MAGI2: variants seen among roughly 807,000 people sequenced by gnomAD.
The protein encoded by MAGI2 is membrane-associated guanylate kinase, WW and PDZ domain-containing protein 2.
Under a neutral mutation model 133.3 loss-of-function variants are expected in MAGI2, and 35 were observed. That is an observed-to-expected ratio of 0.26 (90% CI 0.20 to 0.35). MAGI2 has a LOEUF of 0.35. Among genes scored for constraint, MAGI2 ranks in the 10% least tolerant of loss-of-function variants. The pLI, the probability that MAGI2 is intolerant of heterozygous loss-of-function variation, is 1.00. For synonymous variants in MAGI2, 729 were observed against 710.6 expected, an observed-to-expected ratio of 1.03 and a Z score of -0.41; for missense variants, 1,636 against 1,863.4, an observed-to-expected ratio of 0.88 and a Z score of 2.25.
At chr7:79,324,619 A>AAT (rs1382313062) in intron 1 of MAGI2, among the ~76,000 whole-genome samples, 1 of 72,260 alleles carries the variant, frequency 1.4e-5, no homozygotes, top group African/African-American at 6.4e-5. Flanking sequence ...AAATATATAT[A>AAT]ATATATATAT....
chr7:79,379,334 G>T (rs1585769038), intron 1 of MAGI2, among the ~76,000 whole-genome samples: 1 of 151,906 alleles, frequency 6.6e-6, no homozygotes, highest in East Asian at 1.9e-4. Context: ...ATGTATATGT[G>T]CCACATTTTC....
rs1248322957 is a variant in MAGI2 at position 78,821,859 on chromosome 7, T to A, written c.418+185231A>T. Among the ~76,000 whole-genome samples, 4 of 151,722 alleles carry A rather than the reference T, an allele frequency of 2.6e-5. No individual in the cohort carries two copies. The East Asian group carries it at 7.7e-4, about 29-fold the overall frequency. On this transcript the variant is annotated intron_variant, in intron 2 of 21. Coordinates refer to ENST00000354212, the MANE Select transcript of MAGI2 (RefSeq NM_012301.4). ...CTGACAATGATAGATTTGGGTTAGA[T>A]TTTTTTCATAAAAGAAAGGCAAAGA... is the stretch of plus-strand genomic sequence containing the variant.
Position 78,387,391 on chromosome 7 carries a change from C to T in MAGI2, c.1046-18178G>A, listed in dbSNP as rs140895507. On this transcript the variant is annotated intron_variant, in intron 6 of 21. Transcript: ENST00000354212. ...GCAGACCACAGACCCACTCACATCA[C>T]CATAGGATACCTATTCCTTTTATTG... Among the ~76,000 whole-genome samples, 1,182 of 152,214 alleles carry T rather than the reference C, an allele frequency of 7.8e-3. 14 individuals carry two copies. The highest frequency in any genetic ancestry group is 0.027 in the African/African-American group (1,105 of 41,518).
At chr7:78,802,700 C>T (rs574765875) in intron 2 of MAGI2, among the ~76,000 whole-genome samples, 6 of 152,072 alleles carry the variant, frequency 3.9e-5, no homozygotes, top group East Asian at 1.9e-4. Context: ...CAAGAATGAA[C>T]GCTAATATGA....
At chr7:78,189,770 C>G (rs1828034132) in intron 12 of MAGI2, among the ~76,000 whole-genome samples, 1 of 152,174 alleles carries the variant, frequency 6.6e-6, no homozygotes, top group African/African-American at 2.4e-5. Flanking sequence ...CAGTGTGGAA[C>G]AGGCCCAAGA....
intron 6 of MAGI2, among the ~76,000 whole-genome samples, chr7:78,386,008 T>A (rs7789774): frequency 0.54 from 82,145 of 151,830 alleles, 23,167 homozygotes; most frequent in Middle Eastern, 0.66. Flanking sequence ...CCCCCCTAGC[T>A]CAAACAGTGG....
intron 20 of MAGI2, among the ~76,000 whole-genome samples, chr7:78,109,328 A>AAAAAAAAAAAAAAAAAAAAAAAAAAG (rs1563132987): frequency 7.3e-6 from 1 of 136,282 alleles, no homozygotes; most frequent in African/African-American, 2.7e-5. Context: ...AAAAAAAAAA[A>AAAAAAAAAAAAAAAAAAAAAAAAAAG]AAAAAAGAAA....
At chr7:79,115,197 G>A (rs1819286401) in intron 1 of MAGI2, among the ~76,000 whole-genome samples, 1 of 152,102 alleles carries the variant, frequency 6.6e-6, no homozygotes, top group South Asian at 2.1e-4. Context: ...TCTACCTTAA[G>A]AGAAAACCTT....
chr7:78,108,034 T>C (rs1297753054), intron 20 of MAGI2, among the ~76,000 whole-genome samples: 5 of 151,988 alleles, frequency 3.3e-5, no homozygotes, highest in Non-Finnish European at 2.9e-5. Context: ...GATTTTGTCA[T>C]GCTTTTCTAA....
chr7:79,453,463 C>T lies in MAGI2; in HGVS notation c.-143G>A. On this transcript the variant is annotated 5_prime_UTR_variant, in exon 1 of 22. Coordinates refer to ENST00000354212, the MANE Select transcript of MAGI2 (RefSeq NM_012301.4). The stretch of plus-strand genomic sequence containing the variant: ...CGCCCCCCTCTATTCGGTGCTTTCC[C>T]TCTTCTTTGGATGGAGTGTGGACGA... 1.4e-6 allele frequency: 2 copies of T among 1,467,090 alleles called. No homozygotes were observed. The highest frequency in any genetic ancestry group is 1.8e-6 in the Non-Finnish European group (2 of 1,116,756). The allele number at this position is 1,467,090 out of a possible 1,614,324, so 90.9% of individuals were successfully genotyped here.
At chr7:79,007,302 A>T in intron 1 of MAGI2, 96 bp from the exon 2 acceptor site, 3 of 658,650 alleles carry the variant, frequency 4.6e-6, no homozygotes, top group Middle Eastern at 2.7e-4. Context: ...ACCCATTAAA[A>T]AGATGCATTA....
At chr7:79,072,057 C>G (rs1018136231) in intron 1 of MAGI2, among the ~76,000 whole-genome samples, 2 of 152,116 alleles carry the variant, frequency 1.3e-5, no homozygotes, top group Non-Finnish European at 2.9e-5. Flanking sequence ...AATCCCCCTA[C>G]CCCTTGTGCT....
At chr7:78,893,649 A>G (rs945446522) in intron 2 of MAGI2, among the ~76,000 whole-genome samples, 3 of 151,610 alleles carry the variant, frequency 2.0e-5, no homozygotes, top group East Asian at 3.9e-4. Flanking sequence ...CAAACACCAC[A>G]TGTTCTCACT....
chr7:78,421,136 A>T (rs941507977), intron 6 of MAGI2, among the ~76,000 whole-genome samples: 1 of 152,182 alleles, frequency 6.6e-6, no homozygotes, highest in Non-Finnish European at 1.5e-5. Flanking sequence ...GAGTACTGGG[A>T]GATTGCTGAT....
At chr7:78,548,474 C>T (rs1363623162) in intron 3 of MAGI2, among the ~76,000 whole-genome samples, 1 of 152,114 alleles carries the variant, frequency 6.6e-6, no homozygotes, top group Non-Finnish European at 1.5e-5. Context: ...GCAGGAGGAT[C>T]ACTTGAGGTC....
chr7:79,304,838 G>T (rs985458196), intron 1 of MAGI2, among the ~76,000 whole-genome samples: 3 of 152,142 alleles, frequency 2.0e-5, no homozygotes, highest in African/African-American at 4.8e-5. Flanking sequence ...GAAAAGGAAT[G>T]CATTAAATAG....
intron 6 of MAGI2, among the ~76,000 whole-genome samples, chr7:78,416,631 G>A (rs1798329247): frequency 6.6e-6 from 1 of 152,096 alleles, no homozygotes; most frequent in Non-Finnish European, 1.5e-5. Context: ...ACCATTGAAT[G>A]TCTGTGTCCC....
chr7:78,982,417 T>A (rs1242114367), intron 2 of MAGI2, among the ~76,000 whole-genome samples: 1 of 151,942 alleles, frequency 6.6e-6, no homozygotes, highest in Non-Finnish European at 1.5e-5. Flanking sequence ...TTTTGGCTAA[T>A]TATACTTGGC....
chr7:79,167,469 C>T (rs1825063845), intron 1 of MAGI2, among the ~76,000 whole-genome samples: 1 of 146,148 alleles, frequency 6.8e-6, no homozygotes, highest in Non-Finnish European at 1.5e-5. Flanking sequence ...TTTAAATATA[C>T]ATTTCCTTTC....
Sources: gnomAD v4.1 joint callset for allele counts (sites outside exome capture counted in the v4.1 genomes callset) on GRCh38, gnomAD v4.1.1 for gene constraint, MANE v1.5 for transcripts, NCBI Gene and HGNC (gene_info 2026-07-23, HGNC 2026-07-21) for gene names.